PTK2B: variants seen among roughly 807,000 people sequenced by gnomAD.
PTK2B encodes the protein protein tyrosine kinase 2 beta.
A neutral mutation model predicts 142.9 loss-of-function variants in PTK2B; 71 were observed. The ratio of observed to expected loss-of-function variants is 0.50; its 90% CI spans 0.41 to 0.61. PTK2B has a LOEUF of 0.61. Among genes scored for constraint, PTK2B ranks in the 20% least tolerant of loss-of-function variants. PTK2B has a pLI of 0.00. For synonymous variants in PTK2B, 519 were observed against 503.4 expected, an observed-to-expected ratio of 1.03 and a Z score of -0.42; for missense variants, 1,105 against 1,320.4, an observed-to-expected ratio of 0.84 and a Z score of 2.53.
chr8:27,353,632 C>T (rs111369124), intron 1 of PTK2B, among the ~76,000 whole-genome samples: 553 of 152,314 alleles, frequency 3.6e-3, no homozygotes, highest in African/African-American at 0.013. Flanking sequence ...CAGACCAAGA[C>T]AGCACTTGAA....
intron 5 of PTK2B, among the ~76,000 whole-genome samples, chr8:27,425,416 C>G (rs961577294): frequency 6.6e-6 from 1 of 151,964 alleles, no homozygotes; most frequent in Non-Finnish European, 1.5e-5. Flanking sequence ...ACTTTTTTCT[C>G]TTTACCCTTC....
At chr8:27,428,304 C>T (rs1721841631) in intron 5 of PTK2B, among the ~76,000 whole-genome samples, 1 of 152,178 alleles carries the variant, frequency 6.6e-6, no homozygotes, top group Non-Finnish European at 1.5e-5. Flanking sequence ...GCTCTGTGGC[C>T]AGCTTCCTAA....
At chr8:27,387,387 C>G (rs557656714) in intron 1 of PTK2B, among the ~76,000 whole-genome samples, 2 of 152,182 alleles carry the variant, frequency 1.3e-5, no homozygotes, top group African/African-American at 4.8e-5. Context: ...AAATGTGAAG[C>G]TCCTCTTCCT....
intron 7 of PTK2B, 63 bp from the exon 8 acceptor site, chr8:27,430,813 T>C: frequency 6.3e-7 from 1 of 1,580,432 alleles, no homozygotes. Flanking sequence ...AGCGAGACCC[T>C]AAGGGAAGGA....
At chr8:27,401,141 A>AAAAC (rs148984304) in intron 2 of PTK2B, among the ~76,000 whole-genome samples, 57,498 of 151,846 alleles carry the variant, frequency 0.38, 11,459 homozygotes, top group Middle Eastern at 0.5. Flanking sequence ...TCCATCTCAA[A>AAAAC]AAACAAAGAG....
intron 13 of PTK2B, among the ~76,000 whole-genome samples, chr8:27,435,052 A>G (rs948744446): frequency 2.0e-5 from 3 of 152,212 alleles, no homozygotes; most frequent in African/African-American, 4.8e-5. Context: ...TACTTAGTAC[A>G]TGGCTTAAGC....
rs1563311894 is a variant in PTK2B at position 27,458,820 on chromosome 8, G to C, written c.*311G>C. 4.3e-6 allele frequency: 2 copies of C among 465,020 alleles called. No individual in the cohort carries two copies. Among genetic ancestry groups the C allele is most frequent in the Non-Finnish European group, 7.9e-6 (2 of 254,732 alleles). The allele number at this position is 465,020 out of a possible 1,614,324, so 28.8% of individuals were successfully genotyped here. The stretch of plus-strand genomic sequence containing the variant: ...TGCAGGGGGCTCCTGGGGGTGGGGA[G>C]GTGTCACATGGTGCCCCTAGCTTTA... On this transcript the variant is annotated 3_prime_UTR_variant, in exon 31 of 31. Coordinates refer to ENST00000346049, the MANE Select transcript of PTK2B (RefSeq NM_173176.3).
chr8:27,369,936 C>T (rs112754919), intron 1 of PTK2B, among the ~76,000 whole-genome samples: 53,371 of 151,904 alleles, frequency 0.35, 9,853 homozygotes, highest in South Asian at 0.5. Context: ...GAGATCACAC[C>T]ACTGCACTCC....
upstream of PTK2B, chr8:27,311,137 A>G (rs35188998): frequency 8.5e-3 from 13,560 of 1,603,984 alleles, 877 homozygotes; most frequent in African/African-American, 0.15. Context: ...CGCAGCGCAG[A>G]GTGACTGCGT....
chr8:27,431,976 T>A (rs574086054), intron 9 of PTK2B: 1 of 364,688 alleles, frequency 2.7e-6, no homozygotes, highest in Non-Finnish European at 4.9e-6. Flanking sequence ...TTAAAACATG[T>A]TGAGATTTTT....
At chr8:27,442,572 G>A (rs894279142) in intron 21 of PTK2B, among the ~76,000 whole-genome samples, 4 of 152,208 alleles carry the variant, frequency 2.6e-5, no homozygotes, top group Non-Finnish European at 4.4e-5. Flanking sequence ...CAAAAGGCCT[G>A]AGGAGTGGGG....
intron 24 of PTK2B, among the ~76,000 whole-genome samples, chr8:27,449,130 C>T (rs1422114436): frequency 6.6e-6 from 1 of 152,128 alleles, no homozygotes; most frequent in African/African-American, 2.4e-5. Context: ...TTGTCTGGCT[C>T]CAAATGTCAG....
At chr8:27,408,006 A>G (rs1203738025) in intron 2 of PTK2B, among the ~76,000 whole-genome samples, 1 of 152,218 alleles carries the variant, frequency 6.6e-6, no homozygotes, top group East Asian at 1.9e-4. Flanking sequence ...TTAAATCTTT[A>G]CTGTAATCTC....
Position 27,381,253 on chromosome 8 carries a change from C to G in PTK2B, c.-37-16295C>G, listed in dbSNP as rs114189871. On this transcript the variant is annotated intron_variant, in intron 1 of 30. Transcript: ENST00000346049. ...TACAATAAATTATTGACTCTAGTCA[C>G]CCTACAGAGCTACAGAACATTAGCA... Among the ~76,000 whole-genome samples, 223 of 152,248 alleles carry G rather than the reference C, an allele frequency of 1.5e-3. 1 individual carries two copies. Among genetic ancestry groups the G allele is most frequent in the African/African-American group, 4.9e-3 (203 of 41,544 alleles).
At chr8:27,339,505 G>T (rs1205590285) in intron 1 of PTK2B, among the ~76,000 whole-genome samples, 1 of 152,180 alleles carries the variant, frequency 6.6e-6, no homozygotes, top group Non-Finnish European at 1.5e-5. Flanking sequence ...GGAGTTTGGG[G>T]TAAGAGAGAG....
At chr8:27,453,393 C>G (rs1217169142) in intron 28 of PTK2B, among the ~76,000 whole-genome samples, 1 of 152,204 alleles carries the variant, frequency 6.6e-6, no homozygotes, top group Non-Finnish European at 1.5e-5. Context: ...ATCCCCCTCC[C>G]AGACTTGGAG....
At chr8:27,326,121 C>G (rs1803400549) in intron 1 of PTK2B, among the ~76,000 whole-genome samples, 1 of 152,136 alleles carries the variant, frequency 6.6e-6, no homozygotes, top group Non-Finnish European at 1.5e-5. Flanking sequence ...CCAGCCCACC[C>G]TGACTCTCCT....
intron 5 of PTK2B, among the ~76,000 whole-genome samples, chr8:27,427,389 G>C (rs1050765646): frequency 6.6e-6 from 1 of 152,096 alleles, no homozygotes; most frequent in Admixed American, 6.5e-5. Context: ...ACATGTCCCC[G>C]TGCACCAGAT....
intron 30 of PTK2B, among the ~76,000 whole-genome samples, 198 bp from the exon 31 acceptor site, chr8:27,458,096 T>C (rs1812260165): frequency 6.6e-6 from 1 of 152,110 alleles, no homozygotes; most frequent in African/African-American, 2.4e-5. Flanking sequence ...GGTTCTGAGA[T>C]GTCTGTGATG....
Sources: allele counts gnomAD v4.1 joint callset (sites outside exome capture counted in the v4.1 genomes callset), GRCh38; gene constraint gnomAD v4.1.1; transcripts MANE v1.5; gene names NCBI Gene and HGNC (gene_info 2026-07-23, HGNC 2026-07-21).